WWC2: variants seen among roughly 807,000 people sequenced by gnomAD.
WWC2 encodes the protein WW and C2 domain containing 2, also known as protein WWC2.
Under a neutral mutation model 138.5 loss-of-function variants are expected in WWC2, and 101 were observed. That is an observed-to-expected ratio of 0.73 (90% confidence interval 0.62 to 0.86). The LOEUF (loss-of-function observed/expected upper bound fraction) is 0.86. Ranked by LOEUF, WWC2 falls within the 40% of genes least tolerant of loss-of-function variation. The pLI, the probability that WWC2 is intolerant of heterozygous loss-of-function variation, is 0.00. For missense variants in WWC2, 1,420 were observed against 1,419.4 expected (o/e 1.00, Z -0.01); for synonymous variants, 558 against 538.4 (o/e 1.04, Z -0.50).
intron 4 of WWC2, among the ~76,000 whole-genome samples, chr4:183,216,489 G>C (rs1257497943): frequency 1.3e-5 from 2 of 152,158 alleles, no homozygotes; most frequent in East Asian, 3.8e-4. Context: ...GCTTACTTCT[G>C]TTTCTGTCCA....
chr4:183,304,571 TG>T (rs796872775), intron 21 of WWC2, among the ~76,000 whole-genome samples: 39 of 152,294 alleles, frequency 2.6e-4, no homozygotes, highest in African/African-American at 8.2e-4. Context: ...TAACTGACTT[TG>T]GTAAGGGAAA....
chr4:183,208,151 C>T lies in WWC2; in HGVS notation c.440C>T (p.Thr147Ile). 4 of 1,613,504 alleles carry T rather than the reference C, an allele frequency of 2.5e-6. No individual in the cohort carries two copies. Among genetic ancestry groups the T allele is most frequent in the Non-Finnish European group, 3.4e-6 (4 of 1,179,634 alleles). The change falls in exon 3 of 23, where the codon ACA (threonine) becomes ATA (isoleucine). Residue 147 changes from threonine (T) to isoleucine (I), a missense_variant. Transcript: ENST00000403733. Reference protein sequence around the residue: ...DAYKEKSSSHTSLFSGSSSST... With the variant: ...DAYKEKSSSHISLFSGSSSST... ...TATAAGGAAAAGTCAAGTTCTCACA[C>T]AAGCTGTAAGTACAGTGTGGCTATT...
At chr4:183,307,889 C>T (rs1255680073) in intron 21 of WWC2, among the ~76,000 whole-genome samples, 1 of 152,154 alleles carries the variant, frequency 6.6e-6, no homozygotes, top group African/African-American at 2.4e-5. Flanking sequence ...AAAGGTATCC[C>T]GCTTGGGAAG....
chr4:183,166,794 A>G (rs1017379275), intron 1 of WWC2, among the ~76,000 whole-genome samples: 5 of 152,206 alleles, frequency 3.3e-5, no homozygotes, highest in Admixed American at 2.6e-4. Flanking sequence ...AGGTAAGATC[A>G]AATACTTTGG....
intron 1 of WWC2, among the ~76,000 whole-genome samples, chr4:183,119,297 G>A (rs577722473): frequency 2.0e-5 from 3 of 152,160 alleles, no homozygotes; most frequent in African/African-American, 7.2e-5. Context: ...CCAGTTAAAG[G>A]CATGGAGTCT....
intron 2 of WWC2, among the ~76,000 whole-genome samples, chr4:183,206,589 TG>T (rs906693599): frequency 6.6e-6 from 1 of 152,226 alleles, no homozygotes; most frequent in African/African-American, 2.4e-5. Flanking sequence ...GTAATTTCGA[TG>T]GGTGAAAGAA....
At chr4:183,140,031 C>T (rs1356795310) in intron 1 of WWC2, among the ~76,000 whole-genome samples, 13 of 152,268 alleles carry the variant, frequency 8.5e-5, no homozygotes, top group South Asian at 4.1e-4. Flanking sequence ...AAGCTGGTCT[C>T]GAACTCCTGA....
At chr4:183,305,521 A>G (rs187933697) in intron 21 of WWC2, among the ~76,000 whole-genome samples, 154 of 152,300 alleles carry the variant, frequency 1.0e-3, no homozygotes, top group African/African-American at 3.6e-3. Flanking sequence ...AGAGGGGGAA[A>G]AAAGCTTCCT....
chr4:183,301,551 T>C (rs972732418), intron 21 of WWC2, among the ~76,000 whole-genome samples: 12 of 152,230 alleles, frequency 7.9e-5, no homozygotes, highest in Non-Finnish European at 2.9e-5. Context: ...TGCCCCATTG[T>C]GGGTTATTTA....
chr4:183,282,460 G>A (rs1738106711), intron 17 of WWC2: 1 of 534,272 alleles, frequency 1.9e-6, no homozygotes. Context: ...TTGATATCTA[G>A]AAGTTAGGTT....
chr4:183,146,157 T>A (rs563278121), intron 1 of WWC2, among the ~76,000 whole-genome samples: 2 of 152,332 alleles, frequency 1.3e-5, no homozygotes, highest in Admixed American at 1.3e-4. Context: ...GTGGTCCCAG[T>A]CCTTTCTCCC....
At chr4:183,292,465 A>G (rs1229527574) in intron 21 of WWC2, among the ~76,000 whole-genome samples, 2 of 152,164 alleles carry the variant, frequency 1.3e-5, no homozygotes, top group South Asian at 4.1e-4. Context: ...TGATCACCCC[A>G]CTGAACTTTA....
intron 1 of WWC2, among the ~76,000 whole-genome samples, chr4:183,152,190 T>G (rs997368912): frequency 2.0e-5 from 3 of 152,104 alleles, no homozygotes; most frequent in African/African-American, 7.2e-5. Flanking sequence ...TTGGGTCTGG[T>G]TGTTCTATGT....
intron 6 of WWC2, among the ~76,000 whole-genome samples, chr4:183,245,994 A>G (rs545201572): frequency 6.6e-5 from 10 of 152,298 alleles, no homozygotes; most frequent in Admixed American, 1.3e-4. Flanking sequence ...TTTCCGACCC[A>G]GTTGATTCTG....
rs143941438 is a variant in WWC2 at position 183,238,694 on chromosome 4, A to G, written c.523-1489A>G. Among the ~76,000 whole-genome samples the G allele has an allele frequency of 6.9e-3, 1,046 of 152,254 alleles. 13 individuals carry two copies. Among genetic ancestry groups the G allele is most frequent in the African/African-American group, 0.024 (983 of 41,536 alleles). On this transcript the variant is annotated intron_variant, in intron 4 of 22. Coordinates refer to ENST00000403733, the MANE Select transcript of WWC2 (RefSeq NM_024949.6). The stretch of plus-strand genomic sequence containing the variant: ...CAAGTGAGCCCCACTAACCCTCTCA[A>G]TTGAAACACTGTTTCCTCAGACAGG...
chr4:183,293,241 C>T (rs1173192670), intron 21 of WWC2, among the ~76,000 whole-genome samples: 1 of 152,120 alleles, frequency 6.6e-6, no homozygotes, highest in Non-Finnish European at 1.5e-5. Context: ...AGGCATGAGC[C>T]ACCACACCTG....
chr4:183,173,742 G>C (rs903207261), intron 1 of WWC2, among the ~76,000 whole-genome samples: 13 of 152,080 alleles, frequency 8.5e-5, no homozygotes, highest in African/African-American at 2.9e-4. Context: ...AGCTGCCCGG[G>C]GATTCATCCA....
At chr4:183,258,899 C>A (rs1166961168) in intron 9 of WWC2, among the ~76,000 whole-genome samples, 4 of 152,116 alleles carry the variant, frequency 2.6e-5, no homozygotes, top group African/African-American at 9.7e-5. Context: ...GTTGCATAAA[C>A]CCCTGGGTAC....
chr4:183,230,069 C>T (rs1036495652), intron 4 of WWC2, among the ~76,000 whole-genome samples: 1 of 152,070 alleles, frequency 6.6e-6, no homozygotes, highest in African/African-American at 2.4e-5. Flanking sequence ...AGGCAATCTT[C>T]CTTCCTCGGC....
Sources: allele counts gnomAD v4.1 joint callset (sites outside exome capture counted in the v4.1 genomes callset), GRCh38; gene constraint gnomAD v4.1.1; transcripts MANE v1.5; gene names NCBI Gene and HGNC (gene_info 2026-07-23, HGNC 2026-07-21).